The following AQR variants were observed in gnomAD, a reference collection of about 807,000 sequenced individuals.
AQR encodes the protein RNA helicase aquarius.
A neutral mutation model predicts 180.5 loss-of-function variants in AQR; 61 were observed. The observed-to-expected ratio is 0.34, with a 90% CI of 0.28 to 0.42. The LOEUF is 0.42. Among genes scored for constraint, AQR ranks in the 10% least tolerant of loss-of-function variants. The pLI is 1.00. For missense variants in AQR, 1,281 were observed against 1,798.3 expected, an observed-to-expected ratio of 0.71 and a Z score of 5.20; for synonymous variants, 551 against 588.8, an observed-to-expected ratio of 0.94 and a Z score of 0.93.
At chr15:34,885,348 T>C (rs986143758) in intron 25 of AQR, among the ~76,000 whole-genome samples, 3 of 152,180 alleles carry the variant, frequency 2.0e-5, no homozygotes, top group Admixed American at 1.3e-4. Flanking sequence ...TCTGTAACTC[T>C]CCCAGGTCTT....
In AQR at chr15:34,857,124, A is replaced by C. The variant is rs79241448; in HGVS notation, c.4144-18T>G. On this transcript the variant is annotated intron_variant, in intron 34 of 34. Transcript: ENST00000156471. ...AATAAAGTCTAATTAAAAAAAAAAA[A>C]ACAAAGACAATACCAATATGAAAAA... is the stretch of plus-strand genomic sequence containing the variant. The C allele has an allele frequency of 6.5e-7, 1 of 1,531,972 alleles. No homozygotes were observed. The highest frequency in any genetic ancestry group is 8.7e-7 in the Non-Finnish European group (1 of 1,145,528). The allele number at this position is 1,531,972 out of a possible 1,614,324, so 94.9% of individuals were successfully genotyped here.
At chr15:34,914,923 T>C (rs1893558187) in intron 16 of AQR, 115 bp downstream of exon 16, 3 of 1,115,246 alleles carry the variant, frequency 2.7e-6, no homozygotes, top group Admixed American at 5.6e-5. Context: ...TCTCCTATTT[T>C]AGAGGGCACT....
chr15:34,954,406 A>C (rs535045386), intron 3 of AQR, among the ~76,000 whole-genome samples: 2 of 152,142 alleles, frequency 1.3e-5, no homozygotes, highest in African/African-American at 2.4e-5. Context: ...CCCAGGCTCA[A>C]GCAATCCTCC....
At chr15:34,955,673 C>T (rs1049868247) in intron 3 of AQR, among the ~76,000 whole-genome samples, 2 of 152,016 alleles carry the variant, frequency 1.3e-5, no homozygotes, top group African/African-American at 4.8e-5. Context: ...TTTGGGAGGC[C>T]GAGGCATACA....
chr15:34,964,225 A>C lies in AQR; in HGVS notation c.132+9T>G. On this transcript the variant is annotated intron_variant, in intron 2 of 34. Coordinates refer to ENST00000156471, the MANE Select transcript of AQR (RefSeq NM_014691.3). ...TCTCAAGAATTATGTTGAAACCAAA[A>C]ATACTTACCTTTATATCAAAAGGTG... is the stretch of plus-strand genomic sequence containing the variant. 5 of 1,591,260 alleles carry C rather than the reference A, an allele frequency of 3.1e-6. No homozygotes were observed. The highest frequency in any genetic ancestry group is 4.3e-6 in the Non-Finnish European group (5 of 1,161,660).
chr15:34,895,255 CA>C (rs1388962866), intron 22 of AQR, among the ~76,000 whole-genome samples: 1 of 101,148 alleles, frequency 9.9e-6, no homozygotes, highest in Non-Finnish European at 2.0e-5. Context: ...CAAAACTATT[CA>C]AATAACACAA....
intron 26 of AQR, among the ~76,000 whole-genome samples, chr15:34,882,845 T>C (rs1892996007): frequency 6.6e-6 from 1 of 152,216 alleles, no homozygotes; most frequent in Admixed American, 6.5e-5. Flanking sequence ...TCAAACTTTT[T>C]TGTATGTAAC....
chr15:34,938,687 G>A (rs751801985), intron 9 of AQR, 50 bp downstream of exon 9: 4 of 1,160,072 alleles, frequency 3.4e-6, no homozygotes, highest in Admixed American at 1.9e-5. Context: ...AATACCATAG[G>A]GGCAGCTATA....
At chr15:34,947,310 C>A (rs1463521381) in intron 5 of AQR, among the ~76,000 whole-genome samples, 1 of 151,192 alleles carries the variant, frequency 6.6e-6, no homozygotes, top group Non-Finnish European at 1.5e-5. Flanking sequence ...TGCTTGAAGG[C>A]AGCATGCTCG....
chr15:34,930,567 T>A (rs2140491550), intron 11 of AQR, among the ~76,000 whole-genome samples, 196 bp from the exon 12 acceptor site: 1 of 152,326 alleles, frequency 6.6e-6, no homozygotes, highest in East Asian at 1.9e-4. Flanking sequence ...AGTATGTGAA[T>A]AAATTGTTAA....
chr15:34,910,051 T>G (rs762778165), intron 17 of AQR, 84 bp downstream of exon 17: 136 of 1,463,146 alleles, frequency 9.3e-5, no homozygotes, highest in Non-Finnish European at 1.2e-4. Flanking sequence ...AGGATAACAT[T>G]TAGTAAAAGT....
intron 34 of AQR, among the ~76,000 whole-genome samples, chr15:34,858,704 C>T (rs1212006567): frequency 1.3e-5 from 2 of 152,104 alleles, no homozygotes; most frequent in African/African-American, 4.8e-5. Context: ...TGTAAAGCTA[C>T]TATAATCAAG....
intron 14 of AQR, among the ~76,000 whole-genome samples, chr15:34,919,849 G>C (rs1178610666): frequency 6.6e-6 from 1 of 152,046 alleles, no homozygotes; most frequent in East Asian, 1.9e-4. Context: ...AGTGAGCTGA[G>C]ATCACGCCAC....
chr15:34,894,672 T>C (rs886747034), intron 22 of AQR, among the ~76,000 whole-genome samples: 16 of 152,150 alleles, frequency 1.1e-4, no homozygotes, highest in African/African-American at 3.9e-4. Context: ...TGATGGTATC[T>C]TAAAGTATTT....
rs768894484 is a variant in AQR at position 34,915,102 on chromosome 15, G to A, written c.1420C>T (p.Arg474Cys). The stretch of plus-strand genomic sequence containing the variant: ...CGAATTTCATAAGTTGATTCTAAGC[G>A]GAAGAGGTTAAAGTTCCTTAGCAGG... ...DYLLRNFNLF[R>C]LESTYEIRQD... Residue 474 changes from arginine to cysteine, a missense_variant, in exon 16 of 35, where the codon CGC (arginine) becomes TGC (cysteine). Transcript: ENST00000156471. 6.8e-6 allele frequency: 11 copies of A among 1,613,384 alleles called. No individual in the cohort carries two copies. The highest frequency in any genetic ancestry group is 1.3e-5 in the African/African-American group (1 of 74,984).
chr15:34,896,024 C>T (rs1027491298), intron 22 of AQR, among the ~76,000 whole-genome samples: 9 of 152,146 alleles, frequency 5.9e-5, no homozygotes, highest in African/African-American at 2.2e-4. Flanking sequence ...CATTCTCTGA[C>T]CAAAATAGAC....
intron 3 of AQR, among the ~76,000 whole-genome samples, chr15:34,959,987 A>AAAAC (rs371790516): frequency 1.3e-5 from 2 of 152,226 alleles, no homozygotes; most frequent in African/African-American, 4.8e-5. Flanking sequence ...AAAAAGAAAA[A>AAAAC]AAACAAACAA....
At chr15:34,910,071 A>C in intron 17 of AQR, 64 bp downstream of exon 17, 1 of 1,541,906 alleles carries the variant, frequency 6.5e-7, no homozygotes, top group Admixed American at 1.7e-5. Flanking sequence ...TACTTTGTTA[A>C]TGCTCTAAGT....
intron 13 of AQR, among the ~76,000 whole-genome samples, chr15:34,926,804 A>G: frequency 6.6e-6 from 1 of 152,240 alleles, no homozygotes; most frequent in East Asian, 1.9e-4. Flanking sequence ...GAAAAATTTC[A>G]GATCGAAGAA....
Sources: gnomAD v4.1 joint callset for allele counts (sites outside exome capture counted in the v4.1 genomes callset) on GRCh38, gnomAD v4.1.1 for gene constraint, MANE v1.5 for transcripts, NCBI Gene and HGNC (gene_info 2026-07-23, HGNC 2026-07-21) for gene names.